The following SATB2 variants were observed in gnomAD, a reference collection of about 807,000 sequenced individuals.
SATB2 encodes SATB homeobox 2.
A neutral mutation model predicts 73.4 loss-of-function variants in SATB2; 1 was observed. The observed-to-expected ratio is 0.01, with a 90% confidence interval of 0.00 to 0.06. The LOEUF (loss-of-function observed/expected upper bound fraction) is 0.06. Among genes scored for constraint, SATB2 ranks in the 10% least tolerant of loss-of-function variants. The pLI, the probability that SATB2 is intolerant of heterozygous loss-of-function variation, is 1.00. For synonymous variants in SATB2, 397 were observed against 367.0 expected (o/e 1.08, Z -0.93); for missense variants, 459 against 945.8 (o/e 0.49, Z 6.75).
chr2:199,451,104 A>G (rs1052974430), intron 2 of SATB2, among the ~76,000 whole-genome samples: 6 of 151,176 alleles, frequency 4.0e-5, no homozygotes, highest in Non-Finnish European at 8.9e-5. Flanking sequence ...ACACACACAC[A>G]CACACACACA....
intron 7 of SATB2, among the ~76,000 whole-genome samples, chr2:199,332,830 C>T (rs1055105108): frequency 4.6e-5 from 7 of 152,062 alleles, no homozygotes; most frequent in African/African-American, 1.7e-4. Context: ...AAATCTACTT[C>T]CAAGTTTTTG....
At chr2:199,314,882 T>A (rs371016147) in intron 9 of SATB2, among the ~76,000 whole-genome samples, 1 of 152,126 alleles carries the variant, frequency 6.6e-6, no homozygotes, top group East Asian at 1.9e-4. Context: ...TTTCTTTTCA[T>A]CTCTTTCCCC....
chr2:199,304,188 G>A (rs902714808), intron 10 of SATB2, among the ~76,000 whole-genome samples: 2 of 152,148 alleles, frequency 1.3e-5, no homozygotes, highest in Non-Finnish European at 2.9e-5. Flanking sequence ...ATTGTAAAAC[G>A]GAGTTGGTAG....
At chr2:199,288,893 G>A (rs2105738419) in intron 10 of SATB2, among the ~76,000 whole-genome samples, 1 of 152,292 alleles carries the variant, frequency 6.6e-6, no homozygotes, top group African/African-American at 2.4e-5. Context: ...TGAGGCAGAG[G>A]CCATTGATCT....
intron 2 of SATB2, among the ~76,000 whole-genome samples, chr2:199,439,610 G>A (rs982795440): frequency 1.3e-5 from 2 of 152,074 alleles, no homozygotes; most frequent in Admixed American, 6.5e-5. Context: ...AAAAAGTGAG[G>A]GATGGCTACT....
At chr2:199,413,152 T>C (rs886524563) in intron 3 of SATB2, among the ~76,000 whole-genome samples, 1 of 152,234 alleles carries the variant, frequency 6.6e-6, no homozygotes, top group African/African-American at 2.4e-5. Context: ...TCATAATCTA[T>C]ATGTTTATTT....
chr2:199,329,030 C>G, intron 7 of SATB2, 120 bp from the exon 8 acceptor site: 1 of 757,980 alleles, frequency 1.3e-6, no homozygotes, highest in Non-Finnish European at 2.3e-6. Flanking sequence ...ATGTCAAGAA[C>G]CTCACACTAA....
At chr2:199,358,785 C>G (rs13031529) in intron 6 of SATB2, among the ~76,000 whole-genome samples, 1 of 152,140 alleles carries the variant, frequency 6.6e-6, no homozygotes, top group South Asian at 2.1e-4. Context: ...GTGGACACCT[C>G]TGTTTCTTTG....
chr2:199,293,952 A>T (rs1226230685), intron 10 of SATB2, among the ~76,000 whole-genome samples: 1 of 152,166 alleles, frequency 6.6e-6, no homozygotes, highest in Non-Finnish European at 1.5e-5. Flanking sequence ...AAAAATGATC[A>T]CAAATACTTT....
intron 6 of SATB2, among the ~76,000 whole-genome samples, chr2:199,355,127 T>C (rs961637091): frequency 9.9e-5 from 15 of 151,742 alleles, no homozygotes; most frequent in Non-Finnish European, 1.9e-4. Context: ...TTATATATTT[T>C]AGGTTGTTAC....
intron 10 of SATB2, among the ~76,000 whole-genome samples, chr2:199,302,337 C>A (rs1057008068): frequency 2.0e-5 from 3 of 152,146 alleles, no homozygotes; most frequent in African/African-American, 7.2e-5. Context: ...ACTTTCAAAT[C>A]TCTTTATATT....
intron 10 of SATB2, among the ~76,000 whole-genome samples, chr2:199,293,783 G>A (rs1207681075): frequency 1.3e-5 from 2 of 152,014 alleles, no homozygotes; most frequent in Non-Finnish European, 2.9e-5. Flanking sequence ...CCACTGCCAT[G>A]ATTTACCACA....
chr2:199,445,214 T>C (rs1214376264), intron 2 of SATB2, among the ~76,000 whole-genome samples: 1 of 152,152 alleles, frequency 6.6e-6, no homozygotes, highest in Non-Finnish European at 1.5e-5. Context: ...ATCTTTTTAT[T>C]GGGGGGCCAA....
chr2:199,400,097 A>T (rs1690425837), intron 3 of SATB2, among the ~76,000 whole-genome samples: 1 of 152,152 alleles, frequency 6.6e-6, no homozygotes, highest in African/African-American at 2.4e-5. Context: ...CCCAACTCAA[A>T]CAGTACTTCC....
intron 9 of SATB2, among the ~76,000 whole-genome samples, chr2:199,309,862 C>A (rs146973921): frequency 1.3e-5 from 2 of 152,118 alleles, no homozygotes; most frequent in Admixed American, 6.5e-5. Context: ...TGCATAAACA[C>A]GAATGACTTT....
At chr2:199,370,366 A>G (rs1447664553) in intron 5 of SATB2, among the ~76,000 whole-genome samples, 1 of 152,120 alleles carries the variant, frequency 6.6e-6, no homozygotes, top group Non-Finnish European at 1.5e-5. Context: ...CTGAAATGTC[A>G]TAGTAATAAA....
chr2:199,344,440 G>T (rs141307410), intron 7 of SATB2, among the ~76,000 whole-genome samples: 1 of 152,312 alleles, frequency 6.6e-6, no homozygotes, highest in East Asian at 1.9e-4. Flanking sequence ...ACGAGAGAAA[G>T]TGGAAGAGTG....
chr2:199,354,429 G>A (rs1688912863), intron 6 of SATB2, among the ~76,000 whole-genome samples: 1 of 152,160 alleles, frequency 6.6e-6, no homozygotes, highest in South Asian at 2.1e-4. Flanking sequence ...TTAATTCACA[G>A]TGAACTTGAT....
chr2:199,442,663 G>A (rs867738882), intron 2 of SATB2, among the ~76,000 whole-genome samples: 1 of 152,142 alleles, frequency 6.6e-6, no homozygotes, highest in African/African-American at 2.4e-5. Flanking sequence ...GGAAGGATCA[G>A]TTGAGCTTAG....
Sources: gnomAD v4.1 joint callset for allele counts (sites outside exome capture counted in the v4.1 genomes callset) on GRCh38, gnomAD v4.1.1 for gene constraint, MANE v1.5 for transcripts, NCBI Gene and HGNC (gene_info 2026-07-23, HGNC 2026-07-21) for gene names.